Variants in LAMA1 observed in about 807,000 individuals in gnomAD.
LAMA1 encodes the protein laminin subunit alpha-1.
Under a neutral mutation model 348.7 loss-of-function variants are expected in LAMA1, and 219 were observed. That is an observed-to-expected ratio of 0.63 (90% CI 0.56 to 0.70). LAMA1 has a LOEUF of 0.70. LAMA1 is among the 30% of genes least tolerant of loss of function. The pLI is 0.00. For missense variants in LAMA1, 3,744 were observed against 3,888.0 expected (o/e 0.96, Z 0.99); for synonymous variants, 1,487 against 1,491.0 (o/e 1.00, Z 0.06).
intron 61 of LAMA1, among the ~76,000 whole-genome samples, chr18:6,945,045 T>G (rs1283494632): frequency 6.6e-6 from 1 of 152,210 alleles, no homozygotes; most frequent in Non-Finnish European, 1.5e-5. Flanking sequence ...TTCCTAATTT[T>G]TTATTTATCT....
intron 22 of LAMA1, 47 bp from the exon 23 acceptor site, chr18:7,014,098 T>C (rs2057874449): frequency 4.4e-6 from 6 of 1,377,356 alleles, no homozygotes; most frequent in Non-Finnish European, 5.2e-6. Context: ...GATTTGATGC[T>C]TCCAAATGCA....
At chr18:7,041,701 G>T (rs1044190951) in intron 9 of LAMA1, among the ~76,000 whole-genome samples, 51 of 152,220 alleles carry the variant, frequency 3.4e-4, no homozygotes, top group Non-Finnish European at 1.5e-5. Context: ...TCTTCTAAAA[G>T]CTAAGGAGAG....
intron 60 of LAMA1, among the ~76,000 whole-genome samples, chr18:6,948,017 C>T (rs556464992): frequency 1.1e-4 from 16 of 152,336 alleles, no homozygotes; most frequent in African/African-American, 3.8e-4. Flanking sequence ...CCCTCTTCCC[C>T]ACCCAAACTT....
intron 3 of LAMA1, among the ~76,000 whole-genome samples, chr18:7,069,861 T>G (rs911334474): frequency 4.0e-5 from 6 of 149,402 alleles, no homozygotes; most frequent in African/African-American, 1.5e-4. Context: ...TAGCCCCCCA[T>G]GGTCTGCAGC....
At chr18:7,111,038 C>T (rs1269602410) in intron 1 of LAMA1, among the ~76,000 whole-genome samples, 1 of 152,088 alleles carries the variant, frequency 6.6e-6, no homozygotes, top group East Asian at 1.9e-4. Context: ...GAAATACTTT[C>T]GGGAATGAGA....
At chr18:7,093,040 G>A (rs1455079863) in intron 1 of LAMA1, among the ~76,000 whole-genome samples, 1 of 152,200 alleles carries the variant, frequency 6.6e-6, no homozygotes, top group African/African-American at 2.4e-5. Flanking sequence ...GAATTGAGGA[G>A]CAGAGAACTG....
At chr18:7,018,732 G>T (rs1600397334) in intron 19 of LAMA1, among the ~76,000 whole-genome samples, 1 of 152,268 alleles carries the variant, frequency 6.6e-6, no homozygotes, top group Non-Finnish European at 1.5e-5. Flanking sequence ...CTCAGAACAT[G>T]TACAGTGTGT....
At chr18:6,950,993 C>G in intron 57 of LAMA1, 22 bp from the exon 58 acceptor site, 3 of 1,608,170 alleles carry the variant, frequency 1.9e-6, no homozygotes, top group Non-Finnish European at 2.5e-6. Context: ...AAGTGCTCAG[C>G]GTTGAGAAAG....
rs1448198956 is a variant in LAMA1 at position 7,038,594 on chromosome 18, G to GT, written c.1563+215dup. 7.5e-6 allele frequency: 5 copies of GT among 663,046 alleles called. No individual in the cohort carries two copies. The East Asian group carries it at 7.8e-5, about 10-fold the overall frequency. 41.1% of individuals were successfully genotyped at this position (663,046 alleles called of 1,614,324 possible). A position where few individuals can be genotyped will look rare whatever the true frequency, so the allele number is the denominator to read the frequency against. ...GTGTTCTCTAGTGCCACATCATCCT[G>GT]TTTTTTCCATAGAGAAATGTGTGTG... On this transcript the variant is annotated intron_variant, in intron 11 of 62. Coordinates refer to ENST00000389658, the MANE Select transcript of LAMA1 (RefSeq NM_005559.4).
At chr18:7,021,673 A>G (rs2057915874) in intron 19 of LAMA1, among the ~76,000 whole-genome samples, 1 of 151,486 alleles carries the variant, frequency 6.6e-6, no homozygotes, top group Non-Finnish European at 1.5e-5. Context: ...GATAGAATGT[A>G]TTATTAAAAT....
chr18:6,985,276 TG>T lies in LAMA1; in HGVS notation c.5620del (p.His1874MetfsTer8), dbSNP rs1416938592. ...AVDLVYRAED[H>X]AAEFQRLADV... ...TGCTAGTCTCTGGAACTCAGCGGCA[TG>T]GTCCTCAGCTCTGTAGACCAGGTCG... On this transcript the variant is annotated frameshift_variant, in exon 39 of 63. Transcript: ENST00000389658. LOFTEE classifies it high-confidence loss of function. The T allele has an allele frequency of 6.2e-7, 1 of 1,614,236 alleles. No individual in the cohort carries two copies. The highest frequency in any genetic ancestry group is 1.7e-5 in the Admixed American group (1 of 60,026).
chr18:7,044,377 G>C (rs1236885099), intron 7 of LAMA1, among the ~76,000 whole-genome samples: 1 of 152,042 alleles, frequency 6.6e-6, no homozygotes, highest in Non-Finnish European at 1.5e-5. Context: ...CATATTGTTA[G>C]ATCTAGGAAT....
intron 3 of LAMA1, among the ~76,000 whole-genome samples, chr18:7,078,169 T>G (rs1263312781): frequency 6.6e-6 from 1 of 151,000 alleles, no homozygotes; most frequent in East Asian, 1.9e-4. Flanking sequence ...TTATTTTATT[T>G]TATTTTATTT....
At chr18:7,070,096 C>T (rs1001015141) in intron 3 of LAMA1, among the ~76,000 whole-genome samples, 1 of 152,154 alleles carries the variant, frequency 6.6e-6, no homozygotes, top group Non-Finnish European at 1.5e-5. Flanking sequence ...GAGAACATGA[C>T]AACACAGATA....
At chr18:6,943,845 A>C (rs1480337190) in intron 61 of LAMA1, among the ~76,000 whole-genome samples, 2 of 17,546 alleles carry the variant, frequency 1.1e-4, no homozygotes, top group Non-Finnish European at 8.2e-4. Flanking sequence ...CTCCATCTCA[A>C]AAAAAAAAAA....
At chr18:7,110,051 C>T (rs765790771) in intron 1 of LAMA1, among the ~76,000 whole-genome samples, 40 of 151,928 alleles carry the variant, frequency 2.6e-4, no homozygotes, top group African/African-American at 5.6e-4. Context: ...TGTAGTGGCG[C>T]GCACCTGTGA....
chr18:6,954,059 G>T (rs1443440210), intron 57 of LAMA1: 1 of 152,454 alleles, frequency 6.6e-6, no homozygotes, highest in African/African-American at 2.4e-5. Context: ...TGGGAAGAGG[G>T]ACTGCGGTGC....
intron 36 of LAMA1, among the ~76,000 whole-genome samples, chr18:6,992,155 C>T (rs887953173): frequency 3.9e-5 from 6 of 152,176 alleles, no homozygotes; most frequent in Admixed American, 2.0e-4. Flanking sequence ...TATAACTAAG[C>T]TCAATTATTC....
intron 29 of LAMA1, among the ~76,000 whole-genome samples, chr18:7,005,843 T>C (rs1249286743): frequency 3.3e-5 from 5 of 152,132 alleles, no homozygotes; most frequent in African/African-American, 7.2e-5. Context: ...CCAGACACCA[T>C]TTTTTGTTTA....
Sources: allele counts gnomAD v4.1 joint callset (sites outside exome capture counted in the v4.1 genomes callset), GRCh38; gene constraint gnomAD v4.1.1; transcripts MANE v1.5; gene names NCBI Gene and HGNC (gene_info 2026-07-23, HGNC 2026-07-21).